PCBP3: variants seen among roughly 807,000 people sequenced by gnomAD.
The protein encoded by PCBP3 is poly(rC) binding protein 3.
A neutral mutation model predicts 52.7 loss-of-function variants in PCBP3; 25 were observed. The ratio of observed to expected loss-of-function variants is 0.47; its 90% CI spans 0.35 to 0.66. The LOEUF is 0.66. Ranked by LOEUF, PCBP3 falls within the 30% of genes least tolerant of loss-of-function variation. The pLI, the probability that PCBP3 is intolerant of heterozygous loss-of-function variation, is 0.01. For missense variants in PCBP3, 391 were observed against 490.3 expected, an observed-to-expected ratio of 0.80 and a Z score of 1.91; for synonymous variants, 162 against 183.0, an observed-to-expected ratio of 0.89 and a Z score of 0.93.
chr21:45,867,637 G>A (rs1864457080), intron 5 of PCBP3, among the ~76,000 whole-genome samples: 2 of 152,268 alleles, frequency 1.3e-5, no homozygotes, highest in Admixed American at 6.5e-5. Flanking sequence ...ATCAGAGAGA[G>A]AGAAGGGAAA....
At chr21:45,759,258 T>G (rs994439617) in intron 4 of PCBP3, among the ~76,000 whole-genome samples, 3 of 152,214 alleles carry the variant, frequency 2.0e-5, no homozygotes, top group Non-Finnish European at 4.4e-5. Context: ...TTAAATTGTT[T>G]ATTAGAATTT....
At chr21:45,740,237 G>A (rs1245944005) in intron 3 of PCBP3, among the ~76,000 whole-genome samples, 1 of 152,222 alleles carries the variant, frequency 6.6e-6, no homozygotes, top group Non-Finnish European at 1.5e-5. Flanking sequence ...CTCAGGACAA[G>A]CCCACCCTCT....
chr21:45,710,750 G>T (rs555184306), intron 2 of PCBP3, among the ~76,000 whole-genome samples: 79 of 152,298 alleles, frequency 5.2e-4, no homozygotes, highest in Non-Finnish European at 9.7e-4. Flanking sequence ...GCCTCACTGA[G>T]GATGGAGTGT....
intron 4 of PCBP3, among the ~76,000 whole-genome samples, chr21:45,782,970 A>T (rs954195266): frequency 2.0e-5 from 3 of 152,234 alleles, no homozygotes; most frequent in Non-Finnish European, 2.9e-5. Context: ...TGGCTTTCTC[A>T]TGTAGTTTGT....
intron 4 of PCBP3, among the ~76,000 whole-genome samples, chr21:45,826,359 AAGAC>A (rs968593144): frequency 3.3e-5 from 5 of 152,190 alleles, no homozygotes; most frequent in African/African-American, 7.2e-5. Context: ...TTCCTGTTAA[AAGAC>A]AGGCACAAGA....
intron 3 of PCBP3, among the ~76,000 whole-genome samples, chr21:45,747,264 AC>A (rs1464674955): frequency 1.3e-5 from 2 of 152,060 alleles, no homozygotes; most frequent in Non-Finnish European, 2.9e-5. Flanking sequence ...AGAAAAACCC[AC>A]CCCCATGATT....
chr21:45,896,561 T>A (rs998495206), intron 6 of PCBP3, among the ~76,000 whole-genome samples, 199 bp downstream of exon 6: 3 of 129,046 alleles, frequency 2.3e-5, no homozygotes, highest in African/African-American at 1.2e-4. Flanking sequence ...GGCCATTGTC[T>A]CTGTAGGAAA....
In PCBP3 at chr21:45,938,463, GC is replaced by G. The variant is rs1166363579; in HGVS notation, c.910-1564del. ...TGTCCCTGGCCCCCATCAGAGATGA[GC>G]CCTTCAGATCTCTCTGCCACCAGGG... On this transcript the variant is annotated intron_variant, in intron 16 of 17. Transcript: ENST00000681687. Among the ~76,000 whole-genome samples, 3 of 152,340 alleles carry G rather than the reference GC, an allele frequency of 2.0e-5. No individual in the cohort carries two copies. In the East Asian group the frequency reaches 5.8e-4, roughly 29 times the overall value.
rs147388091 is a variant in PCBP3, at chr21:45,774,693, A to G, written c.-126+19241A>G. Among the ~76,000 whole-genome samples, 12 of 152,246 alleles carry G rather than the reference A, an allele frequency of 7.9e-5. No individual in the cohort carries two copies. The East Asian group carries it at 1.9e-3, about 24-fold the overall frequency. On this transcript the variant is annotated intron_variant, in intron 4 of 17. Coordinates refer to ENST00000681687, the MANE Select transcript of PCBP3 (RefSeq NM_001384156.1). ...CATTATTTTGAGGTATGTTACCACT[A>G]TGCTTAGTTTGTTGAGAGTTTTTAT...
At chr21:45,646,087 C>CTCTCTCTCTCTCTCTCTT (rs2079256338) in intron 1 of PCBP3, among the ~76,000 whole-genome samples, 5 of 84,694 alleles carry the variant, frequency 5.9e-5, no homozygotes, top group African/African-American at 2.0e-4. Context: ...CTCTCTTTCT[C>CTCTCTCTCTCTCTCTCTT]TCTCTCTCTC....
At chr21:45,881,762 T>C (rs750125349) in intron 5 of PCBP3, among the ~76,000 whole-genome samples, 1 of 152,038 alleles carries the variant, frequency 6.6e-6, no homozygotes, top group Non-Finnish European at 1.5e-5. Context: ...CACCCTCTGC[T>C]TCTGTGAGAT....
chr21:45,706,760 C>T (rs971909108), intron 2 of PCBP3, among the ~76,000 whole-genome samples: 74 of 152,314 alleles, frequency 4.9e-4, no homozygotes, highest in Middle Eastern at 3.4e-3. Flanking sequence ...AGGGTGAGCA[C>T]GCTGCCTTTC....
intron 2 of PCBP3, among the ~76,000 whole-genome samples, chr21:45,717,377 G>A (rs1426466420): frequency 6.6e-6 from 1 of 152,034 alleles, no homozygotes; most frequent in Non-Finnish European, 1.5e-5. Context: ...AGCGTTGATT[G>A]TACTGGCAAG....
At chr21:45,835,807 T>G (rs542999044) in intron 4 of PCBP3, among the ~76,000 whole-genome samples, 1 of 151,982 alleles carries the variant, frequency 6.6e-6, no homozygotes, top group African/African-American at 2.4e-5. Context: ...GGGCCCAGGG[T>G]CTTGAGCTTG....
intron 4 of PCBP3, among the ~76,000 whole-genome samples, chr21:45,782,644 C>G (rs1013587715): frequency 6.6e-6 from 1 of 152,140 alleles, no homozygotes; most frequent in Admixed American, 6.5e-5. Flanking sequence ...AGAGATTTTT[C>G]TAAAGCATCA....
intron 4 of PCBP3, among the ~76,000 whole-genome samples, chr21:45,793,690 G>C (rs1035647385): frequency 6.6e-6 from 1 of 152,190 alleles, no homozygotes; most frequent in Non-Finnish European, 1.5e-5. Flanking sequence ...GAGACGGGAG[G>C]CGATAGCCCC....
At chr21:45,797,741 A>G (rs1386813122) in intron 4 of PCBP3, among the ~76,000 whole-genome samples, 3 of 129,956 alleles carry the variant, frequency 2.3e-5, no homozygotes, top group East Asian at 2.9e-4. Flanking sequence ...GAGTGCGTGG[A>G]TCCATAGAGA....
intron 5 of PCBP3, among the ~76,000 whole-genome samples, chr21:45,879,028 C>T (rs976292596): frequency 6.6e-6 from 1 of 152,176 alleles, no homozygotes; most frequent in African/African-American, 2.4e-5. Flanking sequence ...CTCTGTCACC[C>T]AGGCTGGAGT....
intron 4 of PCBP3, among the ~76,000 whole-genome samples, chr21:45,765,059 A>G (rs930683827): frequency 2.6e-5 from 4 of 152,226 alleles, no homozygotes; most frequent in Non-Finnish European, 5.9e-5. Flanking sequence ...TAGAATGGAC[A>G]CCTGCTGGTG....
Sources: gnomAD v4.1 joint callset for allele counts (sites outside exome capture counted in the v4.1 genomes callset) on GRCh38, gnomAD v4.1.1 for gene constraint, MANE v1.5 for transcripts, NCBI Gene and HGNC (gene_info 2026-07-23, HGNC 2026-07-21) for gene names.